FRMD5: variants seen among roughly 807,000 people sequenced by gnomAD.
The protein encoded by FRMD5 is FERM domain-containing protein 5.
A neutral mutation model predicts 69.0 loss-of-function variants in FRMD5; 20 were observed. That is an observed-to-expected ratio of 0.29 (90% CI 0.20 to 0.42). The LOEUF is 0.42. FRMD5 is among the 10% of genes least tolerant of loss of function. The pLI is 1.00. For missense variants in FRMD5, 595 were observed against 708.6 expected (o/e 0.84, Z 1.82); for synonymous variants, 271 against 260.1 (o/e 1.04, Z -0.40).
intron 1 of FRMD5, among the ~76,000 whole-genome samples, chr15:44,134,774 A>G (rs868524462): frequency 4.6e-5 from 7 of 152,180 alleles, no homozygotes; most frequent in African/African-American, 1.7e-4. Context: ...TTAGCTAGTC[A>G]GTGATAGCCT....
intron 1 of FRMD5, among the ~76,000 whole-genome samples, chr15:43,973,678 T>G (rs1279793899): frequency 6.6e-6 from 1 of 152,130 alleles, no homozygotes; most frequent in African/African-American, 2.4e-5. Context: ...ACTAATGTTC[T>G]TTAAGTCAGA....
At chr15:44,100,472 C>A (rs1293526536) in intron 1 of FRMD5, among the ~76,000 whole-genome samples, 1 of 152,150 alleles carries the variant, frequency 6.6e-6, no homozygotes, top group East Asian at 1.9e-4. Context: ...CTCATAAATG[C>A]ATTAAGATTA....
intron 1 of FRMD5, among the ~76,000 whole-genome samples, chr15:44,173,029 A>C (rs750344315): frequency 6.6e-6 from 1 of 152,200 alleles, no homozygotes; most frequent in Non-Finnish European, 1.5e-5. Context: ...TGTCATCATT[A>C]TTGGAGCAGT....
intron 1 of FRMD5, among the ~76,000 whole-genome samples, chr15:44,002,605 G>A (rs542882156): frequency 1.3e-5 from 2 of 152,216 alleles, no homozygotes; most frequent in South Asian, 2.1e-4. Context: ...TGAGCAAGCA[G>A]GGGGTATGTG....
intron 7 of FRMD5, among the ~76,000 whole-genome samples, chr15:43,892,440 A>G (rs1429406255): frequency 6.6e-6 from 1 of 152,238 alleles, no homozygotes; most frequent in Admixed American, 6.5e-5. Context: ...ATTGTTAAAA[A>G]TAGAGTTACC....
chr15:43,926,932 G>A (rs890715192), intron 1 of FRMD5, among the ~76,000 whole-genome samples: 3 of 146,776 alleles, frequency 2.0e-5, no homozygotes, highest in Non-Finnish European at 3.0e-5. Flanking sequence ...ACCTACCAGC[G>A]CCAGGACTGT....
intron 1 of FRMD5, among the ~76,000 whole-genome samples, chr15:43,925,035 C>T (rs1235488647): frequency 7.4e-6 from 1 of 135,488 alleles, no homozygotes; most frequent in African/African-American, 2.9e-5. Context: ...GATGGAGTCT[C>T]GTTCTGTCTC....
intron 7 of FRMD5, chr15:43,901,792 A>T (rs951196636): frequency 1.9e-5 from 4 of 213,300 alleles, no homozygotes; most frequent in Non-Finnish European, 2.8e-5. Flanking sequence ...GCAGTCAATA[A>T]AACCCACTCT....
chr15:44,095,033 T>C (rs1305097022), intron 1 of FRMD5, among the ~76,000 whole-genome samples: 1 of 151,960 alleles, frequency 6.6e-6, no homozygotes, highest in African/African-American at 2.4e-5. Context: ...ACAGGATTAA[T>C]ATAATCTAGC....
chr15:43,938,320 T>C (rs1262541410), intron 1 of FRMD5, among the ~76,000 whole-genome samples: 1 of 151,778 alleles, frequency 6.6e-6, no homozygotes, highest in African/African-American at 2.4e-5. Context: ...AAGGAAAGTT[T>C]CTATTAACCC....
chr15:43,939,445 C>A (rs2089823716), intron 1 of FRMD5, among the ~76,000 whole-genome samples: 1 of 152,186 alleles, frequency 6.6e-6, no homozygotes, highest in South Asian at 2.1e-4. Flanking sequence ...GCTGCTGCCT[C>A]AGTAAAAAGA....
intron 1 of FRMD5, among the ~76,000 whole-genome samples, chr15:44,076,512 C>T (rs1450852294): frequency 1.3e-5 from 2 of 150,464 alleles, no homozygotes; most frequent in African/African-American, 4.9e-5. Context: ...TCTCAGTAAA[C>T]TATCGCAAGA....
chr15:44,054,339 TC>T (rs1481200793), intron 1 of FRMD5, among the ~76,000 whole-genome samples: 2 of 152,200 alleles, frequency 1.3e-5, no homozygotes, highest in Admixed American at 6.5e-5. Flanking sequence ...TTCCCTGCAA[TC>T]GTCCGCTCTC....
intron 1 of FRMD5, among the ~76,000 whole-genome samples, chr15:44,058,317 T>C (rs1892951613): frequency 6.6e-6 from 1 of 152,098 alleles, no homozygotes; most frequent in African/African-American, 2.4e-5. Flanking sequence ...AGACAGAAAG[T>C]AGATTTGTGG....
chr15:44,004,854 T>C (rs937658240), intron 1 of FRMD5, among the ~76,000 whole-genome samples: 2 of 152,264 alleles, frequency 1.3e-5, no homozygotes, highest in Admixed American at 1.3e-4. Flanking sequence ...AAAGCTAGGC[T>C]TCTTGAGCCA....
intron 1 of FRMD5, among the ~76,000 whole-genome samples, chr15:43,956,955 T>C (rs998929282): frequency 6.6e-6 from 1 of 152,224 alleles, no homozygotes; most frequent in Non-Finnish European, 1.5e-5. Flanking sequence ...TACCATCATC[T>C]ACCTTTTATT....
chr15:44,047,985 TAAGC>T (rs1463363019), intron 1 of FRMD5, among the ~76,000 whole-genome samples: 1 of 152,232 alleles, frequency 6.6e-6, no homozygotes, highest in Non-Finnish European at 1.5e-5. Flanking sequence ...TTTCCACTCT[TAAGC>T]TATTATGAAA....
chr15:44,169,037 T>C (rs183564251), intron 1 of FRMD5, among the ~76,000 whole-genome samples: 11 of 152,350 alleles, frequency 7.2e-5, no homozygotes, highest in African/African-American at 2.6e-4. Context: ...CGTGCAATCA[T>C]TGGTCACAGG....
intron 1 of FRMD5, among the ~76,000 whole-genome samples, chr15:44,117,991 C>CTTTTTTTTTTTTTTTT (rs747747488): frequency 2.5e-4 from 23 of 92,598 alleles, no homozygotes; most frequent in South Asian, 7.5e-4. Context: ...TTCTTTTTTA[C>CTTTTTTTTTTTTTTTT]TTTTTTTTTT....
Sources: allele counts gnomAD v4.1 joint callset (sites outside exome capture counted in the v4.1 genomes callset), GRCh38; gene constraint gnomAD v4.1.1; transcripts MANE v1.5; gene names NCBI Gene and HGNC (gene_info 2026-07-23, HGNC 2026-07-21).